CSTPP1: variants seen among roughly 807,000 people sequenced by gnomAD.
CSTPP1 encodes the protein UPF0705 protein C11orf49.
chr11:47,028,114 G>A, the CSTPP1 span, among the ~76,000 whole-genome samples: 8 of 151,920 alleles, frequency 5.3e-5, no homozygotes, highest in South Asian at 2.1e-4. Context: ...TAGTAGAGAC[G>A]GGGTTTCACC....
the CSTPP1 span, among the ~76,000 whole-genome samples, chr11:46,939,664 ATAGATAGATAGG>A: frequency 0.01 from 1,418 of 140,138 alleles, 13 homozygotes; most frequent in Middle Eastern, 0.018. Flanking sequence ...AGATAGATAG[ATAGATAGATAGG>A]TAGATGTTTT....
At chr11:47,156,961 G>A in the CSTPP1 span, 1 of 1,562,582 alleles carries the variant, frequency 6.4e-7, no homozygotes, top group Non-Finnish European at 8.7e-7. Context: ...ATAGTGAACA[G>A]ACAAAACATG....
At chr11:47,163,706 G>A in the CSTPP1 span, among the ~76,000 whole-genome samples, 44 of 152,180 alleles carry the variant, frequency 2.9e-4, no homozygotes, top group Middle Eastern at 3.4e-3. Context: ...GCAGTGGCGC[G>A]ATCTAGTCTC....
chr11:47,140,012 T>C, the CSTPP1 span, among the ~76,000 whole-genome samples: 141 of 152,218 alleles, frequency 9.3e-4, no homozygotes, highest in African/African-American at 3.4e-3. Context: ...CCAGCTCCTC[T>C]ATTGACTTGG....
At chr11:47,083,049 A>G in the CSTPP1 span, among the ~76,000 whole-genome samples, 1 of 129,986 alleles carries the variant, frequency 7.7e-6, no homozygotes, top group Non-Finnish European at 1.6e-5. Flanking sequence ...CTCACCCCCC[A>G]ACAGGCCCCA....
the CSTPP1 span, among the ~76,000 whole-genome samples, chr11:47,148,498 A>T: frequency 6.6e-6 from 1 of 152,218 alleles, no homozygotes; most frequent in Non-Finnish European, 1.5e-5. Context: ...AAGTCCAGTC[A>T]TGGAAAGTGG....
the CSTPP1 span, among the ~76,000 whole-genome samples, chr11:47,104,931 T>C: frequency 1.3e-5 from 2 of 152,250 alleles, no homozygotes; most frequent in Non-Finnish European, 2.9e-5. Flanking sequence ...GAAAAGGCTA[T>C]ATCTGCTAAG....
the CSTPP1 span, among the ~76,000 whole-genome samples, chr11:47,111,832 A>C: frequency 2.0e-5 from 3 of 152,194 alleles, no homozygotes; most frequent in Non-Finnish European, 4.4e-5. Flanking sequence ...ATGTAAATAC[A>C]GATGTAGATA....
At chr11:47,139,644 C>T in the CSTPP1 span, among the ~76,000 whole-genome samples, 1 of 148,744 alleles carries the variant, frequency 6.7e-6, no homozygotes, top group Non-Finnish European at 1.5e-5. Flanking sequence ...TGCACTCCAG[C>T]ATGGGGGACA....
At chr11:47,154,010 G>A in the CSTPP1 span, among the ~76,000 whole-genome samples, 2 of 151,770 alleles carry the variant, frequency 1.3e-5, no homozygotes, top group Non-Finnish European at 2.9e-5. Flanking sequence ...TGTGATCTCC[G>A]CTCACTGCAA....
the CSTPP1 span, among the ~76,000 whole-genome samples, chr11:47,018,377 C>T: frequency 6.7e-6 from 1 of 150,346 alleles, no homozygotes; most frequent in African/African-American, 2.5e-5. Context: ...TCACTGCAAC[C>T]TCTGCTGCCT....
the CSTPP1 span, among the ~76,000 whole-genome samples, chr11:47,050,412 A>G: frequency 1.3e-5 from 2 of 152,346 alleles, no homozygotes; most frequent in African/African-American, 4.8e-5. Flanking sequence ...TGACAGTCTA[A>G]TAGGAGAAAG....
chr11:47,026,538 A>G, the CSTPP1 span, among the ~76,000 whole-genome samples: 3 of 152,180 alleles, frequency 2.0e-5, no homozygotes, highest in Admixed American at 1.3e-4. Flanking sequence ...TACAATTCAT[A>G]TCTTTTAAAT....
At chr11:47,071,442 G>A in the CSTPP1 span, among the ~76,000 whole-genome samples, 308 of 152,252 alleles carry the variant, frequency 2.0e-3, 2 homozygotes, top group South Asian at 3.1e-3. Context: ...TTTGATAACC[G>A]ACTGGAGCCT....
chr11:47,014,691 G>A, the CSTPP1 span, among the ~76,000 whole-genome samples: 3 of 141,880 alleles, frequency 2.1e-5, no homozygotes, highest in Admixed American at 1.5e-4. Flanking sequence ...GGCAACGAGC[G>A]AAACTCTGTC....
At chr11:47,099,499 A>G in the CSTPP1 span, among the ~76,000 whole-genome samples, 23 of 152,292 alleles carry the variant, frequency 1.5e-4, no homozygotes, top group African/African-American at 5.5e-4. Context: ...CCCCACCCAC[A>G]ACCTCTTTGG....
chr11:47,007,223 G>C, the CSTPP1 span, among the ~76,000 whole-genome samples: 1 of 151,552 alleles, frequency 6.6e-6, no homozygotes, highest in Middle Eastern at 3.4e-3. Flanking sequence ...TAGAGATGGG[G>C]TTTCACCATG....
chr11:47,120,948 T>C, the CSTPP1 span, among the ~76,000 whole-genome samples: 159 of 152,364 alleles, frequency 1.0e-3, no homozygotes, highest in Non-Finnish European at 1.6e-3. This position sits in a 1 kb window ranked among gnomAD's most constrained non-coding sequence, Gnocchi z 4.2. Context: ...TAAATTTGGT[T>C]ACATTTTTTG....
chr11:47,147,290 G>A, the CSTPP1 span, among the ~76,000 whole-genome samples: 4 of 152,144 alleles, frequency 2.6e-5, no homozygotes, highest in Non-Finnish European at 5.9e-5. Context: ...AGAGCAAAAA[G>A]CATTTCAGGG....
Sources: gnomAD v4.1 joint callset for allele counts (sites outside exome capture counted in the v4.1 genomes callset) on GRCh38, gnomAD v4.1.1 for gene constraint, Gnocchi (gnomAD v3.1) non-coding constraint, MANE v1.5 for transcripts, NCBI Gene and HGNC (gene_info 2026-07-23, HGNC 2026-07-21) for gene names.